CCDC102B: variants seen among roughly 807,000 people sequenced by gnomAD.
CCDC102B encodes the protein coiled-coil domain-containing protein 102B.
In CCDC102B, 75 loss-of-function variants were observed where a neutral mutation model predicts 57.4. The ratio of observed to expected loss-of-function variants is 1.31; its 90% CI spans 1.08 to 1.58. The LOEUF is 1.58. Among genes scored for constraint, CCDC102B ranks in the 40% most tolerant of loss-of-function variants. CCDC102B has a pLI of 0.00. For missense variants in CCDC102B, 636 were observed against 582.6 expected (o/e 1.09, Z -0.94); for synonymous variants, 206 against 201.9 (o/e 1.02, Z -0.17).
chr18:68,745,737 T>A (rs1482695501), intron 2 of CCDC102B, among the ~76,000 whole-genome samples: 1 of 152,202 alleles, frequency 6.6e-6, no homozygotes, highest in East Asian at 1.9e-4. Context: ...CCTTCATGCC[T>A]CCCGCCCTTT....
intron 7 of CCDC102B, among the ~76,000 whole-genome samples, chr18:69,022,251 C>A (rs2051864055): frequency 6.6e-6 from 1 of 150,610 alleles, no homozygotes; most frequent in Admixed American, 6.6e-5. Context: ...CGTGTGCACA[C>A]ACACACACAT....
rs114677974 is a variant in CCDC102B, at chr18:69,005,047, G to A, written c.1264-5887G>A. On this transcript the variant is annotated intron_variant, in intron 6 of 7. Coordinates refer to ENST00000360242, the MANE Select transcript of CCDC102B (RefSeq NM_024781.3). ...TTCCTCTGGTTTCTGTATTTTCTGA[G>A]GTAAGAATTTGATATAGTAAGAATT... is the stretch of plus-strand genomic sequence containing the variant. Among the ~76,000 whole-genome samples, 439 of 152,170 alleles carry A rather than the reference G, an allele frequency of 2.9e-3. 1 individual carries two copies. The highest frequency in any genetic ancestry group is 9.8e-3 in the African/African-American group (408 of 41,542).
chr18:68,752,708 A>G (rs2033905819), intron 2 of CCDC102B, among the ~76,000 whole-genome samples: 1 of 152,208 alleles, frequency 6.6e-6, no homozygotes, highest in African/African-American at 2.4e-5. Context: ...TGCCAACAGT[A>G]TTCCAAATTA....
chr18:68,876,658 G>T (rs1006417268), intron 5 of CCDC102B, among the ~76,000 whole-genome samples: 5 of 152,038 alleles, frequency 3.3e-5, no homozygotes, highest in African/African-American at 4.8e-5. Context: ...ATTAGAAATG[G>T]TTACATGATT....
chr18:69,023,533 A>G (rs1380521863), intron 7 of CCDC102B, among the ~76,000 whole-genome samples: 2 of 151,636 alleles, frequency 1.3e-5, no homozygotes, highest in African/African-American at 4.8e-5. Context: ...ATAAATGCTG[A>G]GTGCTACTGG....
At chr18:68,972,563 A>G (rs998527720) in intron 6 of CCDC102B, among the ~76,000 whole-genome samples, 2 of 152,176 alleles carry the variant, frequency 1.3e-5, no homozygotes, top group Non-Finnish European at 2.9e-5. Context: ...TATCTAATAC[A>G]TCTCATAAAA....
chr18:68,790,150 G>A (rs2035382693), intron 2 of CCDC102B, among the ~76,000 whole-genome samples: 1 of 150,762 alleles, frequency 6.6e-6, no homozygotes, highest in East Asian at 2.0e-4. Context: ...TCAGGGGTCA[G>A]GGGTCAGGGA....
intron 6 of CCDC102B, among the ~76,000 whole-genome samples, chr18:68,935,412 G>A (rs1172171225): frequency 2.0e-5 from 3 of 151,940 alleles, no homozygotes; most frequent in South Asian, 2.1e-4. Context: ...TGTATCAGCC[G>A]TATTTTGGAG....
chr18:68,990,443 G>T (rs774729218), intron 6 of CCDC102B, among the ~76,000 whole-genome samples: 2 of 152,168 alleles, frequency 1.3e-5, no homozygotes, highest in African/African-American at 4.8e-5. Context: ...GGAAGACCAA[G>T]AATCCATTCC....
intron 4 of CCDC102B, chr18:68,866,367 G>A (rs2038979362): frequency 6.6e-6 from 1 of 152,538 alleles, no homozygotes; most frequent in Non-Finnish European, 1.5e-5. Flanking sequence ...AATAAAAATT[G>A]AAGGAATAAA....
At position 68,779,023 on chromosome 18, in the gene CCDC102B, G is replaced by T. The variant is rs191193246; in HGVS notation, c.-66-44343G>T. ...GGTTATTCTGAATAATAATAAGAAG[G>T]TTCGTTATGCATTCCTGTTTAACGA... On this transcript the variant is annotated intron_variant, in intron 2 of 3. Coordinates refer to the CCDC102B transcript ENST00000578970. 2.3e-3 allele frequency among the ~76,000 whole-genome samples: 354 copies of T among 152,096 alleles called. 2 individuals carry two copies. The highest frequency in any genetic ancestry group is 8.0e-3 in the African/African-American group (332 of 41,518).
chr18:68,830,797 A>G (rs924676416), intron 1 of CCDC102B, among the ~76,000 whole-genome samples: 2 of 151,950 alleles, frequency 1.3e-5, no homozygotes, highest in African/African-American at 4.8e-5. Flanking sequence ...CAAGTACTTC[A>G]TAAGAGTAGT....
chr18:68,874,259 AATTAATATACT>A (rs1290445457), intron 4 of CCDC102B, among the ~76,000 whole-genome samples: 2 of 150,752 alleles, frequency 1.3e-5, no homozygotes, highest in Admixed American at 1.3e-4. Context: ...TCTCTGTTAC[AATTAATATACT>A]ATTAATGCTT....
chr18:68,813,969 A>G (rs1250981643), intron 1 of CCDC102B, among the ~76,000 whole-genome samples: 2 of 152,038 alleles, frequency 1.3e-5, no homozygotes, highest in African/African-American at 4.8e-5. Flanking sequence ...GACTTGATAT[A>G]GAAGATGATG....
chr18:68,796,510 T>G (rs2035633301), upstream of CCDC102B, among the ~76,000 whole-genome samples: 1 of 152,092 alleles, frequency 6.6e-6, no homozygotes, highest in Non-Finnish European at 1.5e-5. Flanking sequence ...TAAAAGTAGA[T>G]ATTTGGGAGT....
At chr18:68,965,184 G>A (rs1314856511) in intron 6 of CCDC102B, among the ~76,000 whole-genome samples, 2 of 151,840 alleles carry the variant, frequency 1.3e-5, no homozygotes, top group African/African-American at 4.8e-5. Context: ...GGACTCCAAT[G>A]AAATGAATAT....
chr18:68,749,651 G>T (rs927600627), intron 2 of CCDC102B, among the ~76,000 whole-genome samples: 3 of 152,122 alleles, frequency 2.0e-5, no homozygotes, highest in African/African-American at 4.8e-5. Context: ...TGCTGAAGTT[G>T]CTTACCACCT....
chr18:68,736,926 G>A (rs966072293), intron 2 of CCDC102B, among the ~76,000 whole-genome samples: 2 of 151,766 alleles, frequency 1.3e-5, no homozygotes, highest in Admixed American at 1.3e-4. Flanking sequence ...GCAAACAATC[G>A]TATCTCACTT....
intron 6 of CCDC102B, among the ~76,000 whole-genome samples, chr18:68,924,169 A>G (rs926821007): frequency 6.9e-6 from 1 of 144,402 alleles, no homozygotes; most frequent in African/African-American, 2.5e-5. Flanking sequence ...TTAGGTACCC[A>G]TTGGTTACAT....
Sources: allele counts gnomAD v4.1 joint callset (sites outside exome capture counted in the v4.1 genomes callset), GRCh38; gene constraint gnomAD v4.1.1; transcripts MANE v1.5; gene names NCBI Gene and HGNC (gene_info 2026-07-23, HGNC 2026-07-21).